The following PCDHA8 variants were observed in gnomAD, a reference collection of about 807,000 sequenced individuals.
The protein encoded by PCDHA8 is protocadherin alpha-8.
A neutral mutation model predicts 61.8 loss-of-function variants in PCDHA8; 53 were observed. The ratio of observed to expected loss-of-function variants is 0.86; its 90% confidence interval spans 0.69 to 1.08. The LOEUF is 1.08. Ranked by LOEUF, PCDHA8 falls within the 50% of genes least tolerant of loss-of-function variation. PCDHA8 has a pLI of 0.00. For synonymous variants in PCDHA8, 618 were observed against 556.6 expected (o/e 1.11, Z -1.55); for missense variants, 1,293 against 1,245.0 (o/e 1.04, Z -0.58).
At chr5:140,896,114 G>A (rs1165904850) in intron 1 of PCDHA8, among the ~76,000 whole-genome samples, 1 of 152,030 alleles carries the variant, frequency 6.6e-6, no homozygotes, top group Non-Finnish European at 1.5e-5. Context: ...CCTGGCCAAT[G>A]TACTGCATTT....
chr5:140,967,229 C>T, intron 1 of PCDHA8: 2 of 1,613,760 alleles, frequency 1.2e-6, no homozygotes, highest in East Asian at 2.2e-5. Flanking sequence ...CAACTACCAG[C>T]TTCAGGTAAG....
chr5:140,844,144 A>G (rs1289976032), intron 1 of PCDHA8, among the ~76,000 whole-genome samples: 1 of 149,504 alleles, frequency 6.7e-6, no homozygotes, highest in Non-Finnish European at 1.5e-5. Context: ...TGTTGTCTTT[A>G]TATTTACTTT....
chr5:140,858,263 T>C lies in PCDHA8; in HGVS notation c.2394+14548T>C, dbSNP rs781901851. ...TGGGCCGGTGAAGCCCACGCTGGTGTGCTCTAGCGCGGTGGGGAGCTGGTC... is the reference window on the plus strand; with the variant it reads ...TGGGCCGGTGAAGCCCACGCTGGTGCGCTCTAGCGCGGTGGGGAGCTGGTC... On this transcript the variant is annotated intron_variant, in intron 1 of 3. Transcript: ENST00000531613. 2.5e-6 allele frequency: 4 copies of C among 1,596,360 alleles called. No homozygotes were observed. The African/African-American group carries it at 4.0e-5, about 16-fold the overall frequency.
chr5:140,881,538 C>CT lies in PCDHA8; in HGVS notation c.2394+37826dup, dbSNP rs1216394306. ...AAATCCCACACATATTGACTGAACA[C>CT]TTTCTTTTGAATATAAATATCTTAT... On this transcript the variant is annotated intron_variant, in intron 1 of 3. Transcript: ENST00000531613. Among the ~76,000 whole-genome samples, 3 of 152,196 alleles carry CT rather than the reference C, an allele frequency of 2.0e-5. No homozygotes were observed. In the East Asian group the frequency reaches 5.8e-4, roughly 29 times the overall value.
At chr5:140,953,952 C>T (rs1025145135) in intron 1 of PCDHA8, among the ~76,000 whole-genome samples, 1 of 152,084 alleles carries the variant, frequency 6.6e-6, no homozygotes, top group Non-Finnish European at 1.5e-5. Context: ...GCTCCCCCAA[C>T]AGGCCCCAGT....
At chr5:140,864,746 A>G (rs989903827) in intron 1 of PCDHA8, 1 of 152,144 alleles carries the variant, frequency 6.6e-6, no homozygotes, top group Admixed American at 6.5e-5. Context: ...AGCACCGATT[A>G]TACTCATTTT....
At chr5:140,858,256 G>T in intron 1 of PCDHA8, 1 of 1,596,658 alleles carries the variant, frequency 6.3e-7, no homozygotes. Flanking sequence ...TGAAGCCCAC[G>T]CTGGTGTGCT....
At chr5:140,951,420 T>G (rs1212893926) in intron 1 of PCDHA8, among the ~76,000 whole-genome samples, 3 of 151,992 alleles carry the variant, frequency 2.0e-5, no homozygotes, top group African/African-American at 7.2e-5. Flanking sequence ...TGGCTCACAG[T>G]TCCACAGGCT....
chr5:140,976,679 G>A (rs1314378983), intron 1 of PCDHA8, among the ~76,000 whole-genome samples: 2 of 152,086 alleles, frequency 1.3e-5, no homozygotes, highest in African/African-American at 4.8e-5. Flanking sequence ...TCTCATTTTT[G>A]CAATTTAAGT....
Position 140,982,372 on chromosome 5 carries a change from C to G in PCDHA8, c.2454-103C>G, listed in dbSNP as rs1479669249. 1.9e-6 allele frequency: 3 copies of G among 1,554,840 alleles called. No homozygotes were observed. In the East Asian group the frequency reaches 7.0e-5, roughly 36 times the overall value. ...TTCAAGCATGAGCAGAATGTGTTAG[C>G]TGCAGCCCTGGCTTCATAGTTGTAA... On this transcript the variant is annotated intron_variant, in intron 2 of 3. Coordinates refer to ENST00000531613, the MANE Select transcript of PCDHA8 (RefSeq NM_018911.3).
intron 3 of PCDHA8, among the ~76,000 whole-genome samples, chr5:140,987,234 A>G (rs2097240958): frequency 6.6e-6 from 1 of 151,980 alleles, no homozygotes; most frequent in Non-Finnish European, 1.5e-5. Context: ...AAAATAATAA[A>G]TAAAGAAAGA....
chr5:140,998,240 A>G (rs2097802500), intron 3 of PCDHA8, among the ~76,000 whole-genome samples: 1 of 152,188 alleles, frequency 6.6e-6, no homozygotes, highest in Non-Finnish European at 1.5e-5. Context: ...GTGCATTATT[A>G]TACTCATTTT....
At chr5:140,972,306 GT>G (rs2096530781) in intron 1 of PCDHA8, among the ~76,000 whole-genome samples, 1 of 150,488 alleles carries the variant, frequency 6.6e-6, no homozygotes, top group South Asian at 2.1e-4. Flanking sequence ...TGTCTGACTA[GT>G]TTTTAGGTGT....
intron 1 of PCDHA8, chr5:140,966,522 G>C (rs1350046535): frequency 2.3e-6 from 1 of 437,158 alleles, no homozygotes; most frequent in Non-Finnish European, 4.0e-6. Context: ...GCAGGAAGCC[G>C]AGCCGGGTTG....
intron 1 of PCDHA8, among the ~76,000 whole-genome samples, chr5:140,923,142 TA>T (rs1262526439): frequency 5.3e-5 from 8 of 152,122 alleles, no homozygotes; most frequent in East Asian, 3.9e-4. Context: ...AGGTGGAATA[TA>T]AAAAAAATTA....
At chr5:140,877,540 G>A (rs1044322759) in intron 1 of PCDHA8, 2 of 1,613,770 alleles carry the variant, frequency 1.2e-6, no homozygotes, top group East Asian at 2.2e-5. Flanking sequence ...TGTGGATCCC[G>A]AAGCGGCTCT....
intron 3 of PCDHA8, among the ~76,000 whole-genome samples, chr5:140,998,172 T>C (rs1438782798): frequency 6.6e-6 from 1 of 152,184 alleles, no homozygotes; most frequent in Admixed American, 6.5e-5. Flanking sequence ...CCAAGTATTA[T>C]TCTAAGCACT....
intron 1 of PCDHA8, chr5:140,853,001 C>A (rs1254366907): frequency 3.9e-5 from 12 of 305,202 alleles, no homozygotes; most frequent in Non-Finnish European, 6.0e-5. Context: ...GCCTCAGCCT[C>A]CCGAGTAGCT....
chr5:140,936,619 T>C (rs2153629684), intron 1 of PCDHA8, among the ~76,000 whole-genome samples: 1 of 152,366 alleles, frequency 6.6e-6, no homozygotes, highest in East Asian at 1.9e-4. Context: ...TACTGTGCAG[T>C]GCTACCTTTG....
Sources: allele counts gnomAD v4.1 joint callset (sites outside exome capture counted in the v4.1 genomes callset), GRCh38; gene constraint gnomAD v4.1.1; transcripts MANE v1.5; gene names NCBI Gene and HGNC (gene_info 2026-07-23, HGNC 2026-07-21).